CAMTA1: variants seen among roughly 807,000 people sequenced by gnomAD.
The protein encoded by CAMTA1 is calmodulin binding transcription activator 1.
A neutral mutation model predicts 170.9 loss-of-function variants in CAMTA1; 27 were observed. That is an observed-to-expected ratio of 0.16 (90% CI 0.12 to 0.22). The LOEUF is 0.22. CAMTA1 is among the 10% of genes least tolerant of loss of function. CAMTA1 has a pLI of 1.00. For missense variants in CAMTA1, 1,619 were observed against 2,217.2 expected, an observed-to-expected ratio of 0.73 and a Z score of 5.42; for synonymous variants, 833 against 891.5, an observed-to-expected ratio of 0.93 and a Z score of 1.17.
chr1:7,060,588 G>A (rs1221867891), intron 3 of CAMTA1, among the ~76,000 whole-genome samples: 2 of 152,224 alleles, frequency 1.3e-5, no homozygotes, highest in Non-Finnish European at 2.9e-5. Flanking sequence ...CCCTTAGGGT[G>A]GTTGCTTTTC....
chr1:7,398,181 CTCTCTCTCTCTCT>C (rs1191692486), intron 5 of CAMTA1, among the ~76,000 whole-genome samples: 28 of 45,474 alleles, frequency 6.2e-4, no homozygotes, highest in African/African-American at 2.4e-3. Flanking sequence ...CTCTCTCTCT[CTCTCTCTCTCTCT>C]ATATATATAT....
At chr1:7,708,542 T>TA (rs2096544652) in intron 11 of CAMTA1, among the ~76,000 whole-genome samples, 5 of 152,218 alleles carry the variant, frequency 3.3e-5, no homozygotes, top group Admixed American at 3.3e-4. Context: ...AGTATGATCT[T>TA]GTGTAATGCT....
intron 3 of CAMTA1, among the ~76,000 whole-genome samples, chr1:7,037,373 G>A (rs1423868259): frequency 6.6e-6 from 1 of 152,156 alleles, no homozygotes; most frequent in Non-Finnish European, 1.5e-5. Flanking sequence ...AGCAGGGAGA[G>A]GATCCCACTT....
chr1:7,330,232 G>T (rs1473854065), intron 5 of CAMTA1, among the ~76,000 whole-genome samples: 1 of 152,144 alleles, frequency 6.6e-6, no homozygotes, highest in Non-Finnish European at 1.5e-5. Flanking sequence ...TACAGAGGTG[G>T]GAATATAGTA....
intron 3 of CAMTA1, among the ~76,000 whole-genome samples, chr1:6,926,438 C>CTCTTTCTTTCTTTCTTTCTTTCTT (rs70984040): frequency 2.5e-4 from 31 of 126,188 alleles, no homozygotes; most frequent in Admixed American, 8.6e-4. Flanking sequence ...TCTTTCTTTT[C>CTCTTTCTTTCTTTCTTTCTTTCTT]TCTTTCTTTC....
At position 7,488,895 on chromosome 1, in the gene CAMTA1, G is replaced by A. The variant is rs554104227; in HGVS notation, c.510+20994G>A. Among the ~76,000 whole-genome samples, 24 of 152,054 alleles carry A rather than the reference G, an allele frequency of 1.6e-4. No homozygotes were observed. In the South Asian group the frequency reaches 4.4e-3, roughly 28 times the overall value. On this transcript the variant is annotated intron_variant, in intron 6 of 22. Transcript: ENST00000303635. ...ATACACATTGCAGACGTGTACATAT[G>A]TACATTTATACACACATGCATACCC... is the stretch of plus-strand genomic sequence containing the variant.
intron 4 of CAMTA1, among the ~76,000 whole-genome samples, chr1:7,197,353 G>A (rs544317818): frequency 1.5e-4 from 23 of 152,224 alleles, no homozygotes; most frequent in South Asian, 1.0e-3. Context: ...TCATTGTCCC[G>A]AATGAGCAAG....
At chr1:7,272,692 C>CAAAAAAAAAAAGAAAAAAAAAAAAA (rs1669988869) in intron 5 of CAMTA1, among the ~76,000 whole-genome samples, 1 of 38,802 alleles carries the variant, frequency 2.6e-5, no homozygotes, top group Non-Finnish European at 4.6e-5. Flanking sequence ...TAAACACATG[C>CAAAAAAAAAAAGAAAAAAAAAAAAA]AAAAAAAAAA....
At chr1:7,687,910 G>C (rs1032562016) in intron 11 of CAMTA1, among the ~76,000 whole-genome samples, 2 of 152,068 alleles carry the variant, frequency 1.3e-5, no homozygotes, top group Non-Finnish European at 2.9e-5. Flanking sequence ...GTTGTTGCTG[G>C]GTGCAAGAAT....
intron 5 of CAMTA1, among the ~76,000 whole-genome samples, chr1:7,384,317 G>A (rs574886393): frequency 6.6e-6 from 1 of 152,318 alleles, no homozygotes; most frequent in South Asian, 2.1e-4. Context: ...AACTTTCCGG[G>A]GCAGCTGGCC....
intron 3 of CAMTA1, among the ~76,000 whole-genome samples, chr1:6,976,500 A>G (rs899210760): frequency 6.6e-6 from 1 of 152,206 alleles, no homozygotes; most frequent in Non-Finnish European, 1.5e-5. Context: ...AAGGGATCCC[A>G]CAGAATCCAT....
chr1:7,518,569 T>C (rs1318703770), intron 6 of CAMTA1, among the ~76,000 whole-genome samples: 1 of 152,000 alleles, frequency 6.6e-6, no homozygotes, highest in Admixed American at 6.5e-5. Flanking sequence ...TCGGGCCGCC[T>C]TGGGGTCCAG....
intron 4 of CAMTA1, among the ~76,000 whole-genome samples, chr1:7,094,069 G>A (rs942817851): frequency 5.9e-5 from 9 of 152,190 alleles, no homozygotes; most frequent in Admixed American, 5.9e-4. Flanking sequence ...GCGTCTGCCA[G>A]GATTTCTCTG....
chr1:7,504,080 CA>C (rs2094056910), intron 6 of CAMTA1, among the ~76,000 whole-genome samples: 1 of 152,204 alleles, frequency 6.6e-6, no homozygotes, highest in African/African-American at 2.4e-5. Context: ...CCTGCCATCC[CA>C]AGGGCCTCTG....
chr1:7,725,150 C>T (rs545467341), intron 11 of CAMTA1, among the ~76,000 whole-genome samples: 2 of 152,258 alleles, frequency 1.3e-5, no homozygotes, highest in African/African-American at 2.4e-5. Flanking sequence ...AGTTTTTGTC[C>T]GGGGATTTAC....
intron 6 of CAMTA1, among the ~76,000 whole-genome samples, chr1:7,543,378 C>A (rs1725263): frequency 0.24 from 37,172 of 152,094 alleles, 5,711 homozygotes; most frequent in Non-Finnish European, 0.33. Flanking sequence ...TGAGAATAAT[C>A]CCCAGCAGCA....
chr1:7,008,853 C>T (rs900928724), intron 3 of CAMTA1, among the ~76,000 whole-genome samples: 7 of 152,282 alleles, frequency 4.6e-5, no homozygotes, highest in African/African-American at 1.7e-4. Context: ...AATATTTAAC[C>T]TAATTTCTAT....
At chr1:7,025,152 C>T (rs988997787) in intron 3 of CAMTA1, among the ~76,000 whole-genome samples, 4 of 152,160 alleles carry the variant, frequency 2.6e-5, no homozygotes, top group Non-Finnish European at 5.9e-5. Flanking sequence ...CAGCTATGTG[C>T]GTAATGAGAT....
chr1:7,320,413 G>A (rs1327252464), intron 5 of CAMTA1, among the ~76,000 whole-genome samples: 1 of 152,200 alleles, frequency 6.6e-6, no homozygotes, highest in Non-Finnish European at 1.5e-5. Context: ...CATATGCTAT[G>A]TATCTGAGGC....
Sources: allele counts gnomAD v4.1 joint callset (sites outside exome capture counted in the v4.1 genomes callset), GRCh38; gene constraint gnomAD v4.1.1; transcripts MANE v1.5; gene names NCBI Gene and HGNC (gene_info 2026-07-23, HGNC 2026-07-21).